The following RAPGEF6 variants were observed in gnomAD, a reference collection of about 807,000 sequenced individuals.
RAPGEF6 encodes PDZ domain containing guanine nucleotide exchange factor (GEF) 2.
RAPGEF6 carries 56 observed loss-of-function variants against 171.4 expected under a neutral mutation model. That is an observed-to-expected ratio of 0.33 (90% CI 0.26 to 0.41). The LOEUF is 0.41. Among genes scored for constraint, RAPGEF6 ranks in the 10% least tolerant of loss-of-function variants. RAPGEF6 has a pLI of 1.00. For missense variants in RAPGEF6, 1,674 were observed against 1,921.4 expected (o/e 0.87, Z 2.41); for synonymous variants, 692 against 650.1 (o/e 1.06, Z -0.98).
chr5:131,623,683 C>G (rs1765732979), intron 1 of RAPGEF6, among the ~76,000 whole-genome samples: 1 of 151,804 alleles, frequency 6.6e-6, no homozygotes, highest in Non-Finnish European at 1.5e-5. Flanking sequence ...GGAGGTTTCT[C>G]CATGTCGGTC....
In RAPGEF6 at chr5:131,559,856, G is replaced by GA. The variant is rs553071246; in HGVS notation, c.351+2121dup. 6.4e-5 allele frequency among the ~76,000 whole-genome samples: 9 copies of GA among 141,694 alleles called. No individual in the cohort carries two copies. The South Asian group carries it at 9.1e-4, about 14-fold the overall frequency. 93.0% of individuals were successfully genotyped at this position (141,694 alleles called of 152,430 possible). A position where few individuals can be genotyped will look rare whatever the true frequency, so the allele number is the denominator to read the frequency against. The stretch of plus-strand genomic sequence containing the variant: ...TTAAGAAAAAAAGAAAAAAAAAAAA[G>GA]AAAAAAAAAAGTTAAAACAAGGAGA... On this transcript the variant is annotated intron_variant, in intron 5 of 27. Transcript: ENST00000509018.
chr5:131,562,840 G>A (rs1360594468), intron 4 of RAPGEF6, among the ~76,000 whole-genome samples: 1 of 151,970 alleles, frequency 6.6e-6, no homozygotes, highest in Non-Finnish European at 1.5e-5. Context: ...GATATGAAGT[G>A]CCAACTATAT....
At chr5:131,510,251 CAG>C (rs1303106358) in intron 8 of RAPGEF6, 61 bp downstream of exon 8, 1 of 1,423,808 alleles carries the variant, frequency 7.0e-7, no homozygotes, top group East Asian at 2.3e-5. Context: ...ATTTGTTATG[CAG>C]AAATAGGTAA....
At chr5:131,547,212 A>T (rs978879290) in intron 6 of RAPGEF6, among the ~76,000 whole-genome samples, 1 of 152,248 alleles carries the variant, frequency 6.6e-6, no homozygotes, top group African/African-American at 2.4e-5. Context: ...CCTAACATGG[A>T]ATGAATAAAT....
intron 6 of RAPGEF6, 98 bp downstream of exon 6, chr5:131,547,949 G>A (rs529724782): frequency 7.5e-6 from 10 of 1,327,892 alleles, no homozygotes; most frequent in Non-Finnish European, 9.4e-6. Context: ...TTCACATACA[G>A]AGCCCAGCAT....
intron 21 of RAPGEF6, chr5:131,449,902 T>C (rs949644375): frequency 9.1e-7 from 1 of 1,094,010 alleles, no homozygotes; most frequent in Admixed American, 2.2e-5. Context: ...TTGTCAGGAA[T>C]GTAGGCTGAC....
At chr5:131,624,158 T>C (rs1437293292) in intron 1 of RAPGEF6, among the ~76,000 whole-genome samples, 1 of 152,212 alleles carries the variant, frequency 6.6e-6, no homozygotes, top group Non-Finnish European at 1.5e-5. Context: ...TTGCTAATTA[T>C]TTCACATATA....
chr5:131,448,467 G>C (rs542330038), intron 21 of RAPGEF6, among the ~76,000 whole-genome samples: 9 of 152,040 alleles, frequency 5.9e-5, no homozygotes, highest in Non-Finnish European at 1.3e-4. Context: ...CTTAGTAGTA[G>C]ATAAAATAAC....
intron 2 of RAPGEF6, among the ~76,000 whole-genome samples, chr5:131,604,371 C>T (rs1764423234): frequency 6.6e-6 from 1 of 152,162 alleles, no homozygotes; most frequent in Admixed American, 6.5e-5. Context: ...AAGGTTAGTT[C>T]TGACTTAAGG....
intron 16 of RAPGEF6, among the ~76,000 whole-genome samples, chr5:131,478,646 C>T (rs1378600449): frequency 6.6e-6 from 1 of 152,134 alleles, no homozygotes; most frequent in African/African-American, 2.4e-5. Context: ...GGATAAGAAC[C>T]TTGATCTATT....
chr5:131,547,928 T>C, intron 6 of RAPGEF6, 119 bp downstream of exon 6: 2 of 1,062,228 alleles, frequency 1.9e-6, no homozygotes, highest in Admixed American at 2.4e-5. Flanking sequence ...TATATTTACC[T>C]GCCCCAAATT....
In RAPGEF6 at chr5:131,564,412, T is replaced by C. The variant is rs574525220; in HGVS notation, c.282-2365A>G. On this transcript the variant is annotated intron_variant, in intron 4 of 27. Transcript: ENST00000509018. ...ACTAGGTAGGGTCCTCAGGAATGTA[T>C]TTCCTCAGTAACAAAATAAATTAGT... Among the ~76,000 whole-genome samples the C allele has an allele frequency of 1.1e-4, 16 of 152,290 alleles. No individual in the cohort carries two copies. The South Asian group carries it at 3.3e-3, about 32-fold the overall frequency.
rs535504821 is a variant in RAPGEF6 at position 131,628,547 on chromosome 5, A to T, written c.69+6415T>A. Among the ~76,000 whole-genome samples the T allele has an allele frequency of 2.5e-4, 38 of 152,340 alleles. 1 individual carries two copies. The highest frequency in any genetic ancestry group is 6.8e-3 in the Middle Eastern group (2 of 294). ...GTAAGTTATCCTGAAGATCTAGCTA[A>T]GATAATTAATGAAGGTGGCTACACT... On this transcript the variant is annotated intron_variant, in intron 1 of 27. Transcript: ENST00000509018.
At chr5:131,600,556 G>A in intron 3 of RAPGEF6, among the ~76,000 whole-genome samples, 1 of 143,832 alleles carries the variant, frequency 7.0e-6, no homozygotes, top group African/African-American at 2.6e-5. Flanking sequence ...AAGGAAGGGA[G>A]GGAGGGAGGG....
intron 3 of RAPGEF6, among the ~76,000 whole-genome samples, chr5:131,602,432 A>T (rs764322719): frequency 4.6e-5 from 7 of 152,178 alleles, no homozygotes; most frequent in Admixed American, 2.0e-4. Context: ...AAAATAACAG[A>T]ATGTTAATAG....
At chr5:131,541,870 G>C (rs1014943739) in intron 6 of RAPGEF6, among the ~76,000 whole-genome samples, 3 of 152,166 alleles carry the variant, frequency 2.0e-5, no homozygotes, top group African/African-American at 7.2e-5. Flanking sequence ...GAATGGCCTT[G>C]CTAACTACTA....
intron 24 of RAPGEF6, among the ~76,000 whole-genome samples, chr5:131,438,309 A>G (rs999463377): frequency 6.6e-6 from 1 of 152,230 alleles, no homozygotes; most frequent in African/African-American, 2.4e-5. Context: ...TACTTGTAGT[A>G]ACACAGCTAC....
chr5:131,453,280 T>C, intron 20 of RAPGEF6, 103 bp from the exon 21 acceptor site: 1 of 1,449,292 alleles, frequency 6.9e-7, no homozygotes, highest in African/African-American at 1.4e-5. Flanking sequence ...AGGACCTTCT[T>C]TATCACAGTG....
intron 1 of RAPGEF6, among the ~76,000 whole-genome samples, chr5:131,626,856 C>T (rs538223013): frequency 1.3e-5 from 2 of 152,230 alleles, no homozygotes; most frequent in Middle Eastern, 3.4e-3. Flanking sequence ...ATATTAACAG[C>T]TTCTCTTTTA....
Sources: allele counts gnomAD v4.1 joint callset (sites outside exome capture counted in the v4.1 genomes callset), GRCh38; gene constraint gnomAD v4.1.1; transcripts MANE v1.5; gene names NCBI Gene and HGNC (gene_info 2026-07-23, HGNC 2026-07-21).